The following RNF214 variants were observed in gnomAD, a reference collection of about 807,000 sequenced individuals.
RNF214 encodes ring finger protein 214.
RNF214 carries 25 observed loss-of-function variants against 75.9 expected under a neutral mutation model. That is an observed-to-expected ratio of 0.33 (90% CI 0.24 to 0.46). RNF214 has a LOEUF of 0.46. Among genes scored for constraint, RNF214 ranks in the 20% least tolerant of loss-of-function variants. The pLI is 1.00. For synonymous variants in RNF214, 314 were observed against 308.8 expected, an observed-to-expected ratio of 1.02 and a Z score of -0.18; for missense variants, 725 against 857.5, an observed-to-expected ratio of 0.85 and a Z score of 1.93.
intron 6 of RNF214, among the ~76,000 whole-genome samples, chr11:117,254,648 G>C (rs1163238125): frequency 1.3e-5 from 2 of 150,486 alleles, no homozygotes. Context: ...TTTTGAGACA[G>C]AGTCTCGCTC....
intron 6 of RNF214, among the ~76,000 whole-genome samples, chr11:117,251,654 TAGCC>T (rs1242221369): frequency 1.3e-5 from 2 of 152,064 alleles, no homozygotes; most frequent in African/African-American, 4.8e-5. Flanking sequence ...AGGGAAGAAT[TAGCC>T]AGGCAACAAA....
At chr11:117,268,267 T>C (rs1276222415) in intron 6 of RNF214, among the ~76,000 whole-genome samples, 1 of 152,238 alleles carries the variant, frequency 6.6e-6, no homozygotes, top group African/African-American at 2.4e-5. Flanking sequence ...TCTTCAGAGT[T>C]AGGCTCTTAC....
chr11:117,237,610 A>G (rs1242159844), intron 2 of RNF214, among the ~76,000 whole-genome samples: 1 of 152,214 alleles, frequency 6.6e-6, no homozygotes, highest in Non-Finnish European at 1.5e-5. Context: ...AGTCCCCTTT[A>G]AAAAGCAGTA....
rs998811313 is a variant in RNF214 at position 117,248,136 on chromosome 11, C to A, written c.959+1188C>A. Among the ~76,000 whole-genome samples, 5 of 152,038 alleles carry A rather than the reference C, an allele frequency of 3.3e-5. No individual in the cohort carries two copies. The South Asian group carries it at 8.3e-4, about 25-fold the overall frequency. ...TGTTCCCCAGGCTGGAGTGCAGTGG[C>A]ACGATCTCAGCTCACTGCAAGCTCC... On this transcript the variant is annotated intron_variant, in intron 6 of 14. Transcript: ENST00000300650.
intron 6 of RNF214, among the ~76,000 whole-genome samples, chr11:117,275,652 A>T (rs189224399): frequency 6.6e-6 from 1 of 152,342 alleles, no homozygotes; most frequent in East Asian, 1.9e-4. Flanking sequence ...AACTGGATAA[A>T]TTCCTGGAAA....
rs2033239879 is a variant in RNF214 at position 117,246,895 on chromosome 11, G to T, written c.906G>T (p.Gln302His). The T allele has an allele frequency of 6.2e-7, 1 of 1,612,942 alleles. No homozygotes were observed. The highest frequency in any genetic ancestry group is 1.1e-5 in the South Asian group (1 of 90,958). The change falls in exon 6 of 15, where the codon CAG becomes CAT. Residue 302 changes from glutamine to histidine, a missense_variant. Transcript: ENST00000300650. ...AGAAAGAGAAGAAGGAGTTTTTGCA[G>T]AAGGAGCAGGATCTGAAAGCTGAAA... ...KIEKEKKEFLQKEQDLKAEIE... is the reference protein window; with the variant it reads ...KIEKEKKEFLHKEQDLKAEIE...
At chr11:117,273,306 T>C (rs1292639284) in intron 6 of RNF214, among the ~76,000 whole-genome samples, 2 of 152,148 alleles carry the variant, frequency 1.3e-5, no homozygotes, top group South Asian at 2.1e-4. Flanking sequence ...TTAAGTTGCA[T>C]TGTGGGATCT....
chr11:117,237,980 A>G (rs556384947), intron 2 of RNF214, among the ~76,000 whole-genome samples: 1 of 152,358 alleles, frequency 6.6e-6, no homozygotes, highest in Admixed American at 6.5e-5. Flanking sequence ...TATTATGTAT[A>G]ACTAAATTAA....
chr11:117,252,078 A>G (rs1405807451), intron 6 of RNF214, among the ~76,000 whole-genome samples: 2 of 152,138 alleles, frequency 1.3e-5, no homozygotes, highest in African/African-American at 4.8e-5. Context: ...CATGTTGGCC[A>G]GGCTAGTCTT....
intron 1 of RNF214, 137 bp from the exon 2 acceptor site, chr11:117,234,130 G>C: frequency 3.0e-6 from 2 of 656,284 alleles, no homozygotes; most frequent in Non-Finnish European, 5.5e-6. Context: ...GTACTCTTAA[G>C]TATTTTCTCC....
At chr11:117,261,222 T>C (rs544263722) in intron 6 of RNF214, among the ~76,000 whole-genome samples, 1 of 152,340 alleles carries the variant, frequency 6.6e-6, no homozygotes, top group East Asian at 1.9e-4. Context: ...ATTCTATTTC[T>C]AATTATCTGA....
intron 2 of RNF214, among the ~76,000 whole-genome samples, chr11:117,236,388 C>T (rs11606751): frequency 6.6e-6 from 1 of 152,180 alleles, no homozygotes; most frequent in African/African-American, 2.4e-5. Context: ...ATTCTCCTGC[C>T]TAAGCCTCCT....
At chr11:117,244,785 C>G (rs1210753220) in intron 5 of RNF214, among the ~76,000 whole-genome samples, 200 bp downstream of exon 5, 1 of 151,936 alleles carries the variant, frequency 6.6e-6, no homozygotes, top group East Asian at 2.0e-4. Flanking sequence ...CCCACCTCAG[C>G]CTCCCAAGTA....
rs146777719 is a variant in RNF214, at chr11:117,286,027, A to T, written c.*876A>T. 1 of 152,726 alleles carries T rather than the reference A, an allele frequency of 6.5e-6. No individual in the cohort carries two copies. The highest frequency in any genetic ancestry group is 1.5e-5 in the Non-Finnish European group (1 of 68,056). 9.5% of individuals were successfully genotyped at this position (152,726 alleles called of 1,614,324 possible). A position where few individuals can be genotyped will look rare whatever the true frequency, so the allele number is the denominator to read the frequency against. ...CTAGTCTAGCTAATCCCCCTCCCCC[A>T]GAAGGTTAAGGCAGTTGGTTCACAA... On this transcript the variant is annotated 3_prime_UTR_variant, in exon 15 of 15. Transcript: ENST00000300650.
chr11:117,243,443 G>A (rs924095895), intron 4 of RNF214, among the ~76,000 whole-genome samples: 1 of 151,888 alleles, frequency 6.6e-6, no homozygotes, highest in Non-Finnish European at 1.5e-5. Flanking sequence ...ACTGCGCCCA[G>A]CCTTGAGAGC....
chr11:117,241,390 G>A (rs1245760437), intron 4 of RNF214, among the ~76,000 whole-genome samples: 1 of 151,818 alleles, frequency 6.6e-6, no homozygotes, highest in Non-Finnish European at 1.5e-5. Flanking sequence ...GCCCATCCTG[G>A]CCAATATGGT....
At position 117,281,367 on chromosome 11, in the gene RNF214, G is replaced by T; in HGVS notation, c.1199G>T (p.Arg400Ile). Residue 400 changes from arginine (R) to isoleucine (I), a missense_variant, in exon 9 of 15, where the codon AGA becomes ATA. Arg to Ile is a moderately conservative substitution (Grantham distance 97, BLOSUM62 -3). Around this residue, in one of 2 missense-constraint regions of RNF214, gnomAD observed 363 missense variants for 513.0 expected, o/e 0.71. Coordinates refer to ENST00000300650, the MANE Select transcript of RNF214 (RefSeq NM_207343.4). ...CGTTCCAAACAGGAGTGGGAGACGA[G>T]ACTGAATGGAGTTCGGATAATGAAA... is the stretch of plus-strand genomic sequence containing the variant. ...TVRSKQEWET[R>I]LNGVRIMKKN... The T allele has an allele frequency of 6.2e-7, 1 of 1,613,560 alleles. No homozygotes were observed. Among genetic ancestry groups the T allele is most frequent in the South Asian group, 1.1e-5 (1 of 91,046 alleles).
In RNF214 at chr11:117,264,999, C is replaced by T. The variant is rs141429557; in HGVS notation, c.960-14909C>T. ...AGGAGAATTGCTTAAACCCAGGAGGCGGAGGTTGCAGTGAGCCTAGATCAC... is the reference window on the plus strand; with the variant it reads ...AGGAGAATTGCTTAAACCCAGGAGGTGGAGGTTGCAGTGAGCCTAGATCAC... On this transcript the variant is annotated intron_variant, in intron 6 of 14. Coordinates refer to ENST00000300650, the MANE Select transcript of RNF214 (RefSeq NM_207343.4). Among the ~76,000 whole-genome samples, 103 of 150,360 alleles carry T rather than the reference C, an allele frequency of 6.9e-4. 2 individuals are homozygous for T. The East Asian group carries it at 0.019, about 28-fold the overall frequency.
chr11:117,273,059 T>C (rs1434350433), intron 6 of RNF214, among the ~76,000 whole-genome samples: 1 of 152,126 alleles, frequency 6.6e-6, no homozygotes, highest in Non-Finnish European at 1.5e-5. Flanking sequence ...TAAAGATCAG[T>C]TTAGTTAGAA....
Sources: gnomAD v4.1 joint callset for allele counts (sites outside exome capture counted in the v4.1 genomes callset) on GRCh38, gnomAD v4.1.1 for gene constraint, gnomAD v4.1.1 regional missense constraint, MANE v1.5 for transcripts, NCBI Gene and HGNC (gene_info 2026-07-23, HGNC 2026-07-21) for gene names.